Variants in OSBPL3 observed in about 807,000 individuals in gnomAD.
OSBPL3 encodes the protein oxysterol-binding protein-related protein 3.
Under a neutral mutation model 120.1 loss-of-function variants are expected in OSBPL3, and 65 were observed. That is an observed-to-expected ratio of 0.54 (90% CI 0.44 to 0.67). The LOEUF (loss-of-function observed/expected upper bound fraction) is 0.67, where lower values mean the gene tolerates loss of function less well. Ranked by LOEUF, OSBPL3 falls within the 30% of genes least tolerant of loss-of-function variation. The pLI is 0.00. For synonymous variants in OSBPL3, 416 were observed against 402.6 expected (o/e 1.03, Z -0.40); for missense variants, 1,004 against 1,082.1 (o/e 0.93, Z 1.01).
chr7:24,908,587 C>T (rs113519986), intron 1 of OSBPL3, among the ~76,000 whole-genome samples: 16 of 152,264 alleles, frequency 1.1e-4, no homozygotes, highest in African/African-American at 3.4e-4. Context: ...ATTCTAGTCA[C>T]GAGAACCACG....
chr7:24,971,722 G>GA (rs1817044719), intron 1 of OSBPL3, among the ~76,000 whole-genome samples: 4 of 152,242 alleles, frequency 2.6e-5, no homozygotes, highest in Admixed American at 2.0e-4. Context: ...AAACTGGAAT[G>GA]ATAGTAACCA....
rs1178665911 is a variant in OSBPL3 at position 24,965,146 on chromosome 7, T to C, written c.-150+14740A>G. ...TATTATGTCTTCAAAAAATATTTAC[T>C]GTTAATGCATGAGCGAAAGGATTCT... On this transcript the variant is annotated intron_variant, in intron 1 of 22. Coordinates refer to ENST00000313367, the MANE Select transcript of OSBPL3 (RefSeq NM_015550.4). This position sits in a 1 kb window ranked among gnomAD's most constrained non-coding sequence, Gnocchi z 4.3. Among the ~76,000 whole-genome samples, 1 of 152,252 alleles carries C rather than the reference T, an allele frequency of 6.6e-6. No individual in the cohort carries two copies. The highest frequency in any genetic ancestry group is 1.5e-5 in the Non-Finnish European group (1 of 68,040).
rs114556360 is a variant in OSBPL3 at position 24,833,894 on chromosome 7, G to A, written c.1746+592C>T. Among the ~76,000 whole-genome samples, 87 of 152,286 alleles carry A rather than the reference G, an allele frequency of 5.7e-4. No homozygotes were observed. The highest frequency in any genetic ancestry group is 2.0e-3 in the African/African-American group (83 of 41,546). On this transcript the variant is annotated intron_variant, in intron 15 of 22. Coordinates refer to ENST00000313367, the MANE Select transcript of OSBPL3 (RefSeq NM_015550.4). The surrounding 1 kb of genome is among the most constrained non-coding windows in gnomAD (Gnocchi z 4.4). ...TTTTAAAAGCCAGCATGCTGTGACT[G>A]GAGCTGATGCCCAGTAGGGAAGAGA...
At chr7:24,978,684 T>A (rs958417448) in intron 1 of OSBPL3, among the ~76,000 whole-genome samples, 1 of 152,214 alleles carries the variant, frequency 6.6e-6, no homozygotes, top group Non-Finnish European at 1.5e-5. Context: ...CTTTCACCCA[T>A]CTGTGGAAGT....
rs544284782 is a variant in OSBPL3, at chr7:24,964,621, C to A, written c.-150+15265G>T. ...ACATGGCAACCAAGATAATGTAGAACCCCACATGGAGTCCTGGAACGGCAA... is the reference window on the plus strand; with the variant it reads ...ACATGGCAACCAAGATAATGTAGAAACCCACATGGAGTCCTGGAACGGCAA... On this transcript the variant is annotated intron_variant, in intron 1 of 22. Coordinates refer to ENST00000313367, the MANE Select transcript of OSBPL3 (RefSeq NM_015550.4). This position sits in a 1 kb window ranked among gnomAD's most constrained non-coding sequence, Gnocchi z 4.2. Among the ~76,000 whole-genome samples the A allele has an allele frequency of 4.2e-4, 64 of 152,246 alleles. 1 individual carries two copies. Among genetic ancestry groups the A allele is most frequent in the Non-Finnish European group, 8.7e-4 (59 of 68,016 alleles).
rs561081751 is a variant in OSBPL3 at position 24,970,564 on chromosome 7, G to C, written c.-150+9322C>G. ...GAGAAAAGATGGATCAATATATAGA[G>C]ATATAGATACAGATAGATAGATATA... On this transcript the variant is annotated intron_variant, in intron 1 of 22. Coordinates refer to ENST00000313367, the MANE Select transcript of OSBPL3 (RefSeq NM_015550.4). 5.9e-5 allele frequency among the ~76,000 whole-genome samples: 9 copies of C among 152,208 alleles called. No individual in the cohort carries two copies. The East Asian group carries it at 1.7e-3, about 29-fold the overall frequency.
chr7:24,887,277 A>T (rs1346671900), intron 2 of OSBPL3, among the ~76,000 whole-genome samples: 7 of 152,120 alleles, frequency 4.6e-5, no homozygotes, highest in African/African-American at 1.7e-4. Flanking sequence ...TTTTCTTATA[A>T]GCAGGGTCCC....
intron 1 of OSBPL3, among the ~76,000 whole-genome samples, chr7:24,977,601 A>T (rs949799271): frequency 6.6e-6 from 1 of 152,226 alleles, no homozygotes; most frequent in Non-Finnish European, 1.5e-5. Flanking sequence ...TCACGCCTGT[A>T]ATCCCAGCAC....
intron 1 of OSBPL3, among the ~76,000 whole-genome samples, chr7:24,905,904 G>A (rs1225960236): frequency 6.6e-6 from 1 of 151,990 alleles, no homozygotes; most frequent in Non-Finnish European, 1.5e-5. Context: ...TGGTGGCGGG[G>A]ACCTGTAATC....
chr7:24,938,738 A>G lies in OSBPL3; in HGVS notation c.-150+41148T>C, dbSNP rs73276268. 3.3e-4 allele frequency among the ~76,000 whole-genome samples: 50 copies of G among 150,934 alleles called. No homozygotes were observed. The highest frequency in any genetic ancestry group is 9.0e-4 in the African/African-American group (37 of 41,090). On this transcript the variant is annotated intron_variant, in intron 1 of 22. Transcript: ENST00000313367. This position sits in a 1 kb window ranked among gnomAD's most constrained non-coding sequence, Gnocchi z 5.8. ...GGCAAGACCTTAGTCACACGGCCAT[A>G]CCTAGCTGCAAGGAAAACTGAATAA...
At position 24,798,264 on chromosome 7, in the gene OSBPL3, G is replaced by A. The variant is rs1277503238; in HGVS notation, c.*1919C>T. The A allele has an allele frequency of 1.3e-5, 2 of 152,132 alleles. No individual in the cohort carries two copies. Among genetic ancestry groups the A allele is most frequent in the Admixed American group, 6.5e-5 (1 of 15,276 alleles). The allele number at this position is 152,132 out of a possible 1,614,324, so 9.4% of individuals were successfully genotyped here. A position where few individuals can be genotyped will look rare whatever the true frequency, so the allele number is the denominator to read the frequency against. On this transcript the variant is annotated 3_prime_UTR_variant, in exon 23 of 23. Coordinates refer to ENST00000313367, the MANE Select transcript of OSBPL3 (RefSeq NM_015550.4). The surrounding 1 kb of genome is among the most constrained non-coding windows in gnomAD (Gnocchi z 4.6). Reference sequence around the variant, plus strand: ...CATTCAGGCTGTGCATTTTGTTTTCGTTGCTTCTTTCTTTTTTGAGCCAGT... The same window carrying A: ...CATTCAGGCTGTGCATTTTGTTTTCATTGCTTCTTTCTTTTTTGAGCCAGT...
chr7:24,842,620 A>G (rs2128206120), intron 12 of OSBPL3, among the ~76,000 whole-genome samples: 1 of 152,342 alleles, frequency 6.6e-6, no homozygotes, highest in Non-Finnish European at 1.5e-5. Context: ...TACAGGCACT[A>G]TCACTTCTCA....
In OSBPL3 at chr7:24,851,483, A is replaced by G. The variant is rs1178463039; in HGVS notation, c.1158+1021T>C. Among the ~76,000 whole-genome samples, 1 of 152,218 alleles carries G rather than the reference A, an allele frequency of 6.6e-6. No individual in the cohort carries two copies. The highest frequency in any genetic ancestry group is 1.5e-5 in the Non-Finnish European group (1 of 68,038). ...GAGCATCACTTTTCTTGGCAATACG[A>G]TAAATAGAAAATATGAATCAACATT... On this transcript the variant is annotated intron_variant, in intron 11 of 22. Transcript: ENST00000313367. The surrounding 1 kb of genome is among the most constrained non-coding windows in gnomAD (Gnocchi z 4.1).
chr7:24,884,420 A>ATG lies in OSBPL3; in HGVS notation c.96+7956_96+7957insCA, dbSNP rs1176295955. On this transcript the variant is annotated intron_variant, in intron 2 of 22. Transcript: ENST00000313367. ...CCCACTGAGTTGTGCTGAGACTCCAAAGGGTAGCATGAAAGGATATTATGA... is the reference window on the plus strand; with the variant it reads ...CCCACTGAGTTGTGCTGAGACTCCAATGAGGGTAGCATGAAAGGATATTATGA... Among the ~76,000 whole-genome samples, 12 of 152,268 alleles carry ATG rather than the reference A, an allele frequency of 7.9e-5. No homozygotes were observed. In the East Asian group the frequency reaches 2.3e-3, roughly 29 times the overall value.
Position 24,869,651 on chromosome 7 carries a change from A to G in OSBPL3, c.381+1081T>C, listed in dbSNP as rs143318850. Among the ~76,000 whole-genome samples the G allele has an allele frequency of 2.1e-4, 32 of 152,342 alleles. No homozygotes were observed. In the East Asian group the frequency reaches 5.6e-3, roughly 27 times the overall value. Reference sequence around the variant, plus strand: ...GTCGGCCTCCCACACCAAAACATCCAGCTCACAATGTCAATGGTGCAGAGG... The same window carrying G: ...GTCGGCCTCCCACACCAAAACATCCGGCTCACAATGTCAATGGTGCAGAGG... On this transcript the variant is annotated intron_variant, in intron 5 of 22. Coordinates refer to ENST00000313367, the MANE Select transcript of OSBPL3 (RefSeq NM_015550.4).
intron 2 of OSBPL3, among the ~76,000 whole-genome samples, chr7:24,886,990 A>T (rs960208717): frequency 1.3e-5 from 2 of 152,234 alleles, no homozygotes; most frequent in African/African-American, 4.8e-5. Context: ...TTTAAACACA[A>T]GTTAATTAAA....
At position 24,968,414 on chromosome 7, in the gene OSBPL3, TG is replaced by T. The variant is rs1224113308; in HGVS notation, c.-150+11471del. Among the ~76,000 whole-genome samples, 1 of 152,186 alleles carries T rather than the reference TG, an allele frequency of 6.6e-6. No homozygotes were observed. Among genetic ancestry groups the T allele is most frequent in the African/African-American group, 2.4e-5 (1 of 41,446 alleles). ...AGCACACCAGTTTTTTTGTTTTTTT[TG>T]AGTCGGAGTCTCCCTCTGTCACCCA... On this transcript the variant is annotated intron_variant, in intron 1 of 22. Transcript: ENST00000313367. This position sits in a 1 kb window ranked among gnomAD's most constrained non-coding sequence, Gnocchi z 4.6.
Position 24,818,925 on chromosome 7 carries a change from A to G in OSBPL3, c.1948+1250T>C, listed in dbSNP as rs1214936007. Among the ~76,000 whole-genome samples, 2 of 152,114 alleles carry G rather than the reference A, an allele frequency of 1.3e-5. No individual in the cohort carries two copies. The highest frequency in any genetic ancestry group is 4.8e-5 in the African/African-American group (2 of 41,412). The stretch of plus-strand genomic sequence containing the variant: ...GGAAGGATGTAACACAGGAGCACAC[A>G]AAACTACTTTGAGAAGACCCCTCGC... On this transcript the variant is annotated intron_variant, in intron 17 of 22. Coordinates refer to ENST00000313367, the MANE Select transcript of OSBPL3 (RefSeq NM_015550.4). This position sits in a 1 kb window ranked among gnomAD's most constrained non-coding sequence, Gnocchi z 4.0.
At chr7:24,848,184 T>C (rs1009421342) in intron 12 of OSBPL3, among the ~76,000 whole-genome samples, 1 of 152,162 alleles carries the variant, frequency 6.6e-6, no homozygotes, top group Non-Finnish European at 1.5e-5. Flanking sequence ...GGAGTGAAGG[T>C]GTGTGAGGGG....
Sources: gnomAD v4.1 joint callset for allele counts (sites outside exome capture counted in the v4.1 genomes callset) on GRCh38, gnomAD v4.1.1 for gene constraint, Gnocchi (gnomAD v3.1) non-coding constraint, MANE v1.5 for transcripts, NCBI Gene and HGNC (gene_info 2026-07-23, HGNC 2026-07-21) for gene names.